The following PDE1C variants were observed in gnomAD, a reference collection of about 807,000 sequenced individuals.
PDE1C encodes phosphodiesterase 1C.
PDE1C carries 62 observed loss-of-function variants against 93.1 expected under a neutral mutation model. The observed-to-expected ratio is 0.67, with a 90% CI of 0.54 to 0.82. PDE1C has a LOEUF of 0.82. Ranked by LOEUF, PDE1C falls within the 40% of genes least tolerant of loss-of-function variation. The pLI is 0.00. For synonymous variants in PDE1C, 325 were observed against 310.1 expected (o/e 1.05, Z -0.50); for missense variants, 742 against 884.6 (o/e 0.84, Z 2.04).
chr7:31,840,424 T>C (rs1036649835), intron 9 of PDE1C, among the ~76,000 whole-genome samples: 6 of 152,176 alleles, frequency 3.9e-5, no homozygotes, highest in Non-Finnish European at 8.8e-5. Flanking sequence ...GGCCTGCTTT[T>C]TTTTAACGGT....
intron 1 of PDE1C, among the ~76,000 whole-genome samples, chr7:32,259,822 T>G (rs977748880): frequency 6.6e-6 from 1 of 152,004 alleles, no homozygotes; most frequent in Non-Finnish European, 1.5e-5. Context: ...CACGAGCCCC[T>G]CCTGCCCCCA....
chr7:31,741,567 A>C, the PDE1C span, among the ~76,000 whole-genome samples: 1 of 152,000 alleles, frequency 6.6e-6, no homozygotes, highest in Non-Finnish European at 1.5e-5. Flanking sequence ...TAATTTTCAC[A>C]TGTATTTTCA....
intron 3 of PDE1C, among the ~76,000 whole-genome samples, chr7:32,159,290 T>C (rs1438868250): frequency 6.6e-6 from 1 of 152,122 alleles, no homozygotes; most frequent in Non-Finnish European, 1.5e-5. Context: ...TCTAGCAAGG[T>C]CAAAATCCCT....
At chr7:32,183,915 T>C (rs987023703) in intron 2 of PDE1C, among the ~76,000 whole-genome samples, 1 of 152,148 alleles carries the variant, frequency 6.6e-6, no homozygotes, top group Non-Finnish European at 1.5e-5. Context: ...GACAAAGGGC[T>C]AATATCCAGA....
At chr7:32,378,873 T>G (rs907617162) in intron 1 of PDE1C, among the ~76,000 whole-genome samples, 3 of 152,232 alleles carry the variant, frequency 2.0e-5, no homozygotes, top group Non-Finnish European at 4.4e-5. Context: ...CTGCATGGCA[T>G]CACTGGCCTC....
the PDE1C span, among the ~76,000 whole-genome samples, chr7:31,625,641 A>T: frequency 6.6e-6 from 1 of 151,822 alleles, no homozygotes; most frequent in Non-Finnish European, 1.5e-5. Flanking sequence ...AGGAGGGGGG[A>T]GGGATAGCAC....
chr7:31,723,418 G>A, the PDE1C span, among the ~76,000 whole-genome samples: 23 of 152,186 alleles, frequency 1.5e-4, no homozygotes, highest in Non-Finnish European at 2.6e-4. Flanking sequence ...GATGTTTCAG[G>A]GAGTTGGTGG....
Position 32,211,141 on chromosome 7 carries a change from G to A in PDE1C, c.86-1602C>T, listed in dbSNP as rs189691041. On this transcript the variant is annotated intron_variant, in intron 1 of 18. Transcript: ENST00000396193. The stretch of plus-strand genomic sequence containing the variant: ...GGAGAATCAATTGAACCTGGGAGGT[G>A]GAAGTTGCAGTGAGTCGAGATTGTG... Among the ~76,000 whole-genome samples, 655 of 152,220 alleles carry A rather than the reference G, an allele frequency of 4.3e-3. 5 individuals carry two copies. Among genetic ancestry groups the A allele is most frequent in the African/African-American group, 0.015 (629 of 41,524 alleles).
chr7:32,337,808 G>C (rs1490230568), intron 1 of PDE1C, among the ~76,000 whole-genome samples: 2 of 152,010 alleles, frequency 1.3e-5, no homozygotes, highest in Non-Finnish European at 2.9e-5. Context: ...AAAACAATGA[G>C]AAAAAAAGAT....
chr7:32,285,066 A>G (rs1420535788), intron 1 of PDE1C, among the ~76,000 whole-genome samples: 1 of 152,072 alleles, frequency 6.6e-6, no homozygotes, highest in Non-Finnish European at 1.5e-5. Flanking sequence ...AAAGAAAAAA[A>G]TGCACTTGCC....
At chr7:32,265,108 AGCAAC>A (rs533706805) in intron 1 of PDE1C, among the ~76,000 whole-genome samples, 2 of 152,322 alleles carry the variant, frequency 1.3e-5, no homozygotes, top group Non-Finnish European at 2.9e-5. Flanking sequence ...CTCCAGAGAG[AGCAAC>A]CTTAGCAAGA....
At chr7:31,887,513 T>C (rs1455832872) in intron 2 of PDE1C, among the ~76,000 whole-genome samples, 1 of 152,208 alleles carries the variant, frequency 6.6e-6, no homozygotes, top group East Asian at 1.9e-4. Flanking sequence ...GTTTCTATAC[T>C]TTTATATGCC....
At chr7:31,772,887 T>C (rs1695437056) in intron 17 of PDE1C, among the ~76,000 whole-genome samples, 1 of 152,208 alleles carries the variant, frequency 6.6e-6, no homozygotes, top group East Asian at 1.9e-4. Flanking sequence ...TATGAGATGG[T>C]AAGGTGGAGC....
the PDE1C span, among the ~76,000 whole-genome samples, chr7:31,722,371 T>A: frequency 6.6e-6 from 1 of 152,250 alleles, no homozygotes; most frequent in African/African-American, 2.4e-5. Flanking sequence ...GCAACATTTA[T>A]TCAACAAATA....
chr7:31,784,053 G>A (rs1370126911), intron 16 of PDE1C: 3 of 152,122 alleles, frequency 2.0e-5, no homozygotes, highest in African/African-American at 7.2e-5. Flanking sequence ...TTTTGGTTCT[G>A]CTTGCCTCTC....
intron 7 of PDE1C, among the ~76,000 whole-genome samples, chr7:31,860,462 C>T (rs1405571157): frequency 2.0e-5 from 3 of 152,194 alleles, no homozygotes; most frequent in Non-Finnish European, 2.9e-5. Flanking sequence ...TGGATTAAAA[C>T]TGTATAAGTT....
chr7:31,998,400 C>G (rs1339630266), intron 2 of PDE1C, among the ~76,000 whole-genome samples: 4 of 152,136 alleles, frequency 2.6e-5, no homozygotes, highest in Admixed American at 6.5e-5. Flanking sequence ...TAAATACATA[C>G]CAATCTTTTA....
chr7:31,651,272 A>T, the PDE1C span: 1 of 1,612,584 alleles, frequency 6.2e-7, no homozygotes, highest in South Asian at 1.1e-5. Flanking sequence ...GAGGAAAGGT[A>T]ATTACCTAAG....
chr7:32,119,718 C>T (rs1015819241), intron 3 of PDE1C, among the ~76,000 whole-genome samples: 10 of 152,142 alleles, frequency 6.6e-5, no homozygotes, highest in African/African-American at 1.9e-4. Context: ...TAGCCAAGGC[C>T]GGCGGTGAGT....
Sources: gnomAD v4.1 joint callset for allele counts (sites outside exome capture counted in the v4.1 genomes callset) on GRCh38, gnomAD v4.1.1 for gene constraint, MANE v1.5 for transcripts, NCBI Gene and HGNC (gene_info 2026-07-23, HGNC 2026-07-21) for gene names.